ZNF678: variants seen among roughly 807,000 people sequenced by gnomAD.
ZNF678 encodes the protein zinc finger protein 678, also known as hypothetical protein MGC42493.
ZNF678 carries 5 observed loss-of-function variants against 3.0 expected under a neutral mutation model. The observed-to-expected ratio is 1.69, with a 90% confidence interval of 0.88 to 3.56. The LOEUF (loss-of-function observed/expected upper bound fraction) is 3.56. Among genes scored for constraint, ZNF678 ranks in the 30% most tolerant of loss-of-function variants. The pLI is 0.00. For synonymous variants in ZNF678, 218 were observed against 199.6 expected (o/e 1.09, Z -0.78); for missense variants, 593 against 605.0 (o/e 0.98, Z 0.21).
chr1:227,645,727 C>T (rs1411307441), intron 1 of ZNF678, among the ~76,000 whole-genome samples: 1 of 152,208 alleles, frequency 6.6e-6, no homozygotes, highest in African/African-American at 2.4e-5. Flanking sequence ...CAGATTTTGC[C>T]TTCTTGACCT....
chr1:227,611,649 G>A (rs1264849799), intron 1 of ZNF678, among the ~76,000 whole-genome samples: 1 of 152,166 alleles, frequency 6.6e-6, no homozygotes, highest in Non-Finnish European at 1.5e-5. Context: ...GCAATGGTAG[G>A]TAATAGGTTT....
Position 227,621,761 on chromosome 1 carries a change from C to CTTTTCAGG in ZNF678, c.-163-24783_-163-24782insTTTTCAGG, listed in dbSNP as rs1658285559. Reference sequence around the variant, plus strand: ...AATGGACTTTTGGCCAAGGGAATCCCAATGAAACCTGAAAAACTAATTTAG... The same window carrying CTTTTCAGG: ...AATGGACTTTTGGCCAAGGGAATCCCTTTTCAGGAATGAAACCTGAAAAACTAATTTAG... On this transcript the variant is annotated intron_variant, in intron 1 of 3. Transcript: ENST00000343776. 2.0e-5 allele frequency among the ~76,000 whole-genome samples: 3 copies of CTTTTCAGG among 152,232 alleles called. No homozygotes were observed. In the South Asian group the frequency reaches 6.2e-4, roughly 32 times the overall value.
chr1:227,647,732 T>C (rs1357706785), intron 2 of ZNF678, among the ~76,000 whole-genome samples: 4 of 149,936 alleles, frequency 2.7e-5, no homozygotes, highest in African/African-American at 9.8e-5. Context: ...CATGAAGTGA[T>C]TTTCCTTTGA....
At chr1:227,665,760 G>A (rs1659495019), downstream of ZNF678, among the ~76,000 whole-genome samples, 1 of 152,128 alleles carries the variant, frequency 6.6e-6, no homozygotes, top group Non-Finnish European at 1.5e-5. Context: ...CATATCTTTT[G>A]CCAATTTTTC....
chr1:227,645,646 G>C (rs1558153711), intron 1 of ZNF678, among the ~76,000 whole-genome samples: 1 of 152,128 alleles, frequency 6.6e-6, no homozygotes, highest in South Asian at 2.1e-4. Flanking sequence ...AGATGGATTT[G>C]GGTCCTTGGA....
chr1:227,673,902 A>G (rs541839036), intron 5 of ZNF678, among the ~76,000 whole-genome samples: 102 of 152,372 alleles, frequency 6.7e-4, no homozygotes, highest in African/African-American at 2.4e-3. Context: ...GCTTTTATTC[A>G]TATGTTTTAA....
chr1:227,649,114 A>T (rs1301977705), intron 2 of ZNF678, among the ~76,000 whole-genome samples: 1 of 152,094 alleles, frequency 6.6e-6, no homozygotes, highest in Non-Finnish European at 1.5e-5. Context: ...GTCTAAAAAC[A>T]TTTAGGTTAT....
intron 1 of ZNF678, among the ~76,000 whole-genome samples, chr1:227,572,962 G>C (rs1656892831): frequency 6.6e-6 from 1 of 152,264 alleles, no homozygotes; most frequent in Admixed American, 6.5e-5. Flanking sequence ...CAGAAAGCTT[G>C]ATCTCCGGCT....
intron 1 of ZNF678, among the ~76,000 whole-genome samples, chr1:227,607,446 T>G (rs1428641538): frequency 6.6e-6 from 1 of 152,102 alleles, no homozygotes; most frequent in Non-Finnish European, 1.5e-5. Context: ...ACTTTAAGTT[T>G]TATCAAATGA....
At chr1:227,570,961 G>A (rs75982537) in intron 1 of ZNF678, among the ~76,000 whole-genome samples, 2 of 151,934 alleles carry the variant, frequency 1.3e-5, no homozygotes, top group Non-Finnish European at 2.9e-5. Flanking sequence ...TTCAACCTCT[G>A]TCCAAACTAT....
chr1:227,590,495 T>C (rs1268250088), intron 1 of ZNF678, among the ~76,000 whole-genome samples: 1 of 151,766 alleles, frequency 6.6e-6, no homozygotes, highest in Non-Finnish European at 1.5e-5. Flanking sequence ...GGGTTGGGTA[T>C]CCCCACGAGC....
intron 1 of ZNF678, among the ~76,000 whole-genome samples, chr1:227,631,482 A>G (rs553467892): frequency 2.4e-4 from 37 of 152,340 alleles, no homozygotes; most frequent in African/African-American, 7.7e-4. Flanking sequence ...GTGCATTCCC[A>G]TAAACAACAG....
chr1:227,589,109 T>C (rs1657340998), intron 1 of ZNF678, among the ~76,000 whole-genome samples: 3 of 147,678 alleles, frequency 2.0e-5, no homozygotes, highest in Non-Finnish European at 4.5e-5. Context: ...ACTCTGATGA[T>C]CATTTCTTTT....
At position 227,632,751 on chromosome 1, in the gene ZNF678, C is replaced by T. The variant is rs192544992; in HGVS notation, c.-163-13793C>T. Reference sequence around the variant, plus strand: ...ATAGGACAGAATAGCAAGCGAAAATCGTCCAATATTACTCACTGCTTTGGA... The same window carrying T: ...ATAGGACAGAATAGCAAGCGAAAATTGTCCAATATTACTCACTGCTTTGGA... On this transcript the variant is annotated intron_variant, in intron 1 of 3. Coordinates refer to ENST00000343776, the MANE Select transcript of ZNF678 (RefSeq NM_001367909.1). Among the ~76,000 whole-genome samples, 54 of 152,294 alleles carry T rather than the reference C, an allele frequency of 3.5e-4. No homozygotes were observed. In the East Asian group the frequency reaches 8.7e-3, roughly 24 times the overall value.
chr1:227,575,341 G>T (rs1371585983), intron 1 of ZNF678, among the ~76,000 whole-genome samples: 1 of 152,134 alleles, frequency 6.6e-6, no homozygotes, highest in Non-Finnish European at 1.5e-5. Flanking sequence ...GGGCAGTATG[G>T]CCATTTTTAC....
chr1:227,655,702 T>C lies in ZNF678; in HGVS notation c.1452T>C (p.Thr484=), dbSNP rs745679611. 47 of 1,612,636 alleles carry C rather than the reference T, an allele frequency of 2.9e-5. No individual in the cohort carries two copies. Among genetic ancestry groups the C allele is most frequent in the Non-Finnish European group, 3.8e-5 (45 of 1,179,188 alleles). Residue 484 remains threonine (T), a synonymous_variant, in exon 4 of 4, where the codon ACT becomes ACC. Coordinates refer to ENST00000343776, the MANE Select transcript of ZNF678 (RefSeq NM_001367909.1). ...TTACTCGTCATAAAAGAATTCATACTGGAGAGAAACGCTACAAATGTAAAG... is the reference window on the plus strand; with the variant it reads ...TTACTCGTCATAAAAGAATTCATACCGGAGAGAAACGCTACAAATGTAAAG... ...SSLTRHKRIH[T]GEKRYKCKEC... is the part of the protein sequence containing the mutation.
chr1:227,608,892 T>A (rs571398502), intron 1 of ZNF678, among the ~76,000 whole-genome samples: 1 of 152,208 alleles, frequency 6.6e-6, no homozygotes, highest in African/African-American at 2.4e-5. Context: ...CCTGTATGAG[T>A]CCTCAGACTT....
chr1:227,586,294 C>G (rs1657262166), intron 1 of ZNF678, among the ~76,000 whole-genome samples: 1 of 152,164 alleles, frequency 6.6e-6, no homozygotes, highest in African/African-American at 2.4e-5. Flanking sequence ...CAGAAACTGT[C>G]TTAGGAAGCA....
chr1:227,640,318 A>G (rs537336835), intron 1 of ZNF678, among the ~76,000 whole-genome samples: 1 of 151,100 alleles, frequency 6.6e-6, no homozygotes, highest in Non-Finnish European at 1.5e-5. Flanking sequence ...AGCTGGGAAG[A>G]TGGCTGAGAA....
Sources: gnomAD v4.1 joint callset for allele counts (sites outside exome capture counted in the v4.1 genomes callset) on GRCh38, gnomAD v4.1.1 for gene constraint, MANE v1.5 for transcripts, NCBI Gene and HGNC (gene_info 2026-07-23, HGNC 2026-07-21) for gene names.